The following LRMDA variants were observed in gnomAD, a reference collection of about 807,000 sequenced individuals.
LRMDA encodes leucine rich melanocyte differentiation associated.
A neutral mutation model predicts 29.8 loss-of-function variants in LRMDA; 18 were observed. That is an observed-to-expected ratio of 0.60 (90% CI 0.42 to 0.90). The LOEUF (loss-of-function observed/expected upper bound fraction) is 0.90. Among genes scored for constraint, LRMDA ranks in the 40% least tolerant of loss-of-function variants. LRMDA has a pLI of 0.00. For synonymous variants in LRMDA, 125 were observed against 109.4 expected (o/e 1.14, Z -0.89); for missense variants, 273 against 273.9 (o/e 1.00, Z 0.02).
At chr10:75,820,431 GA>G (rs1015459740) in intron 2 of LRMDA, among the ~76,000 whole-genome samples, 2 of 152,038 alleles carry the variant, frequency 1.3e-5, no homozygotes, top group South Asian at 2.1e-4. Context: ...AAATTAAGTG[GA>G]AAAAAACCCA....
rs73277011 is a variant in LRMDA at position 75,582,732 on chromosome 10, T to C, written c.131+144238T>C. On this transcript the variant is annotated intron_variant, in intron 2 of 6. Coordinates refer to ENST00000611255, the MANE Select transcript of LRMDA (RefSeq NM_001305581.2). Reference sequence around the variant, plus strand: ...CCCCTGAAAATGGGCTTTTCTTTTTTACTACATGGCCGGGCTGCAAATTTT... The same window carrying C: ...CCCCTGAAAATGGGCTTTTCTTTTTCACTACATGGCCGGGCTGCAAATTTT... Among the ~76,000 whole-genome samples, 4 of 152,340 alleles carry C rather than the reference T, an allele frequency of 2.6e-5. No homozygotes were observed. The East Asian group carries it at 7.7e-4, about 29-fold the overall frequency.
chr10:75,583,013 T>C (rs1840613618), intron 2 of LRMDA, among the ~76,000 whole-genome samples: 1 of 152,232 alleles, frequency 6.6e-6, no homozygotes, highest in African/African-American at 2.4e-5. Context: ...CATTTCCACC[T>C]GGGAACTTCT....
chr10:75,537,763 G>A (rs998197153), intron 2 of LRMDA, among the ~76,000 whole-genome samples: 1 of 152,182 alleles, frequency 6.6e-6, no homozygotes, highest in Non-Finnish European at 1.5e-5. Flanking sequence ...AGCCTGGCAT[G>A]CAGGCATTTA....
chr10:76,230,567 A>C (rs1012499455), intron 5 of LRMDA, among the ~76,000 whole-genome samples: 2 of 151,550 alleles, frequency 1.3e-5, no homozygotes, highest in Non-Finnish European at 2.9e-5. Context: ...AAAAAAAAAA[A>C]ACCCCAAAAA....
chr10:75,435,655 T>C (rs113277289), intron 1 of LRMDA, among the ~76,000 whole-genome samples: 1 of 152,326 alleles, frequency 6.6e-6, no homozygotes, highest in Non-Finnish European at 1.5e-5. Flanking sequence ...GTTAAGACCA[T>C]GTACTGAAAC....
chr10:75,846,757 A>G (rs1323612075), intron 2 of LRMDA, among the ~76,000 whole-genome samples: 1 of 152,148 alleles, frequency 6.6e-6, no homozygotes, highest in African/African-American at 2.4e-5. Context: ...AGCAGAACAA[A>G]CCCATTTATA....
intron 2 of LRMDA, among the ~76,000 whole-genome samples, chr10:75,508,738 A>G (rs1564788562): frequency 6.6e-6 from 1 of 152,192 alleles, no homozygotes; most frequent in Non-Finnish European, 1.5e-5. Context: ...CAGCGTTTGA[A>G]GGAGGTAGCT....
chr10:76,361,075 A>T, intron 6 of LRMDA, among the ~76,000 whole-genome samples: 1 of 152,054 alleles, frequency 6.6e-6, no homozygotes, highest in East Asian at 1.9e-4. Context: ...AGCCTGGGCA[A>T]CAAGGTGAAA....
chr10:75,525,271 A>C (rs1845400728), intron 2 of LRMDA, among the ~76,000 whole-genome samples: 1 of 152,176 alleles, frequency 6.6e-6, no homozygotes, highest in Non-Finnish European at 1.5e-5. Context: ...TCCTACTTTC[A>C]GGGCTGACTC....
rs867239422 is a variant in LRMDA at position 75,548,085 on chromosome 10, G to A, written c.131+109591G>A. On this transcript the variant is annotated intron_variant, in intron 2 of 6. Transcript: ENST00000611255. Reference sequence around the variant, plus strand: ...TGGAAAGTATAAACATAGTGGTGAAGGACAGCATTTAAAAGAAAAAAAAAA... The same window carrying A: ...TGGAAAGTATAAACATAGTGGTGAAAGACAGCATTTAAAAGAAAAAAAAAA... Among the ~76,000 whole-genome samples the A allele has an allele frequency of 4.7e-4, 71 of 151,110 alleles. 1 individual carries two copies. Among genetic ancestry groups the A allele is most frequent in the South Asian group, 4.1e-4 (2 of 4,820 alleles).
intron 6 of LRMDA, among the ~76,000 whole-genome samples, chr10:76,486,574 T>C (rs1403328314): frequency 2.0e-5 from 3 of 151,966 alleles, no homozygotes; most frequent in African/African-American, 7.2e-5. Context: ...TTTTCCTGAT[T>C]ATTTTGGCTA....
chr10:76,138,789 G>T (rs1265511182), intron 5 of LRMDA, among the ~76,000 whole-genome samples: 3 of 152,140 alleles, frequency 2.0e-5, no homozygotes, highest in African/African-American at 7.2e-5. Context: ...AAGAATTTAT[G>T]TAAGTATGCT....
At chr10:75,937,267 C>CACCCTAAATGAAAAATG (rs1411356951) in intron 2 of LRMDA, among the ~76,000 whole-genome samples, 1 of 152,130 alleles carries the variant, frequency 6.6e-6, no homozygotes, top group Non-Finnish European at 1.5e-5. Context: ...GGAAAAGCTC[C>CACCCTAAATGAAAAATG]ACCCTAAATG....
chr10:75,925,640 C>CAGT (rs1390066108), intron 2 of LRMDA, among the ~76,000 whole-genome samples: 62 of 2,056 alleles, frequency 0.03, no homozygotes, highest in African/African-American at 0.15. Context: ...ATGGTGGCAG[C>CAGT]AGCAGACACT....
intron 5 of LRMDA, among the ~76,000 whole-genome samples, chr10:76,188,557 A>C (rs1851187498): frequency 6.6e-6 from 1 of 152,156 alleles, no homozygotes; most frequent in African/African-American, 2.4e-5. Flanking sequence ...AGATGGTGGA[A>C]TGTGTCTAAG....
At chr10:76,080,093 CT>C (rs1362484625) in intron 5 of LRMDA, among the ~76,000 whole-genome samples, 1 of 152,040 alleles carries the variant, frequency 6.6e-6, no homozygotes, top group Non-Finnish European at 1.5e-5. Flanking sequence ...ATAGATATGC[CT>C]TCATTATTGT....
Position 76,035,993 on chromosome 10 carries a change from C to T in LRMDA, c.132-15C>T. ...TAGTGCAGGATCATTTTTCCTGTTGCCTTTGTCATTGCAGGTCACTGGAAG... is the reference window on the plus strand; with the variant it reads ...TAGTGCAGGATCATTTTTCCTGTTGTCTTTGTCATTGCAGGTCACTGGAAG... On this transcript the variant is annotated splice_polypyrimidine_tract_variant and intron_variant, in intron 2 of 6. Transcript: ENST00000611255. 6.2e-7 allele frequency: 1 copy of T among 1,611,720 alleles called. No individual in the cohort carries two copies. The highest frequency in any genetic ancestry group is 8.5e-7 in the Non-Finnish European group (1 of 1,179,210).
intron 2 of LRMDA, among the ~76,000 whole-genome samples, chr10:75,676,454 G>A (rs1841961414): frequency 6.6e-6 from 1 of 152,154 alleles, no homozygotes; most frequent in Non-Finnish European, 1.5e-5. Flanking sequence ...ACAGCTCCTG[G>A]AGGACTTTCT....
intron 5 of LRMDA, among the ~76,000 whole-genome samples, chr10:76,199,231 C>T (rs1007230536): frequency 5.3e-5 from 8 of 152,054 alleles, no homozygotes; most frequent in South Asian, 2.1e-4. Context: ...CTGTTTTTAC[C>T]AGGTCATGAA....
Sources: allele counts gnomAD v4.1 joint callset (sites outside exome capture counted in the v4.1 genomes callset), GRCh38; gene constraint gnomAD v4.1.1; transcripts MANE v1.5; gene names NCBI Gene and HGNC (gene_info 2026-07-23, HGNC 2026-07-21).